OLFM3: variants seen among roughly 807,000 people sequenced by gnomAD.
OLFM3 encodes olfactomedin 3.
OLFM3 carries 20 observed loss-of-function variants against 48.6 expected under a neutral mutation model. That is an observed-to-expected ratio of 0.41 (90% CI 0.29 to 0.60). OLFM3 has a LOEUF of 0.60. Ranked by LOEUF, OLFM3 falls within the 20% of genes least tolerant of loss-of-function variation. The pLI is 0.28. For missense variants in OLFM3, 437 were observed against 544.3 expected (o/e 0.80, Z 1.96); for synonymous variants, 222 against 198.1 (o/e 1.12, Z -1.01).
intron 4 of OLFM3, among the ~76,000 whole-genome samples, chr1:101,819,497 A>T (rs1220936598): frequency 2.6e-5 from 4 of 152,106 alleles, no homozygotes; most frequent in African/African-American, 9.7e-5. Context: ...TTGAAAAATC[A>T]TGAATGACAC....
At chr1:101,870,710 G>A (rs770392892) in intron 1 of OLFM3, among the ~76,000 whole-genome samples, 7 of 152,002 alleles carry the variant, frequency 4.6e-5, no homozygotes, top group African/African-American at 1.4e-4. Flanking sequence ...GATAATGGGG[G>A]TCTTTTTTTT....
chr1:101,990,695 GT>G (rs1661373657), intron 1 of OLFM3, among the ~76,000 whole-genome samples: 1 of 151,884 alleles, frequency 6.6e-6, no homozygotes, highest in South Asian at 2.1e-4. Flanking sequence ...TAAAAATATA[GT>G]TCATGGTGGC....
chr1:101,983,493 C>T (rs1661155545), intron 1 of OLFM3, among the ~76,000 whole-genome samples: 1 of 152,140 alleles, frequency 6.6e-6, no homozygotes, highest in South Asian at 2.1e-4. Flanking sequence ...AAATGTTAAG[C>T]ACTTTAGAAG....
chr1:101,866,183 G>A (rs1656848824), intron 1 of OLFM3, among the ~76,000 whole-genome samples: 1 of 152,086 alleles, frequency 6.6e-6, no homozygotes, highest in African/African-American at 2.4e-5. Context: ...ACTATGTTTA[G>A]TAATATAAAT....
chr1:101,861,442 T>C (rs1387251384), intron 1 of OLFM3, among the ~76,000 whole-genome samples: 1 of 152,204 alleles, frequency 6.6e-6, no homozygotes, highest in Non-Finnish European at 1.5e-5. Flanking sequence ...ACATTACCAG[T>C]GTTTGTAGTA....
intron 1 of OLFM3, among the ~76,000 whole-genome samples, chr1:101,990,377 C>T (rs72731679): frequency 5.9e-5 from 9 of 152,094 alleles, no homozygotes; most frequent in African/African-American, 1.2e-4. Context: ...ATATATGGTC[C>T]GCAATAGACT....
chr1:101,992,548 C>A (rs562745604), intron 1 of OLFM3, among the ~76,000 whole-genome samples: 4 of 151,684 alleles, frequency 2.6e-5, no homozygotes, highest in African/African-American at 7.3e-5. Flanking sequence ...ATGTCTCTAG[C>A]GCACGAGAGA....
intron 1 of OLFM3, among the ~76,000 whole-genome samples, chr1:101,849,360 C>T (rs1448040235): frequency 6.6e-6 from 1 of 152,218 alleles, no homozygotes; most frequent in East Asian, 1.9e-4. Flanking sequence ...TTAGGGCAAG[C>T]AACCCAGTAG....
intron 1 of OLFM3, among the ~76,000 whole-genome samples, chr1:101,988,319 A>G (rs924733982): frequency 1.2e-4 from 19 of 152,086 alleles, no homozygotes; most frequent in African/African-American, 4.6e-4. Context: ...CTTTGCCACC[A>G]AGCATCATGA....
rs966791966 is a variant in OLFM3 at position 101,963,552 on chromosome 1, A to G, written c.69+33196T>C. Among the ~76,000 whole-genome samples, 4 of 142,478 alleles carry G rather than the reference A, an allele frequency of 2.8e-5. No individual in the cohort carries two copies. In the Admixed American group the frequency reaches 2.8e-4, roughly 10 times the overall value. 93.5% of individuals were successfully genotyped at this position (142,478 alleles called of 152,430 possible). A position where few individuals can be genotyped will look rare whatever the true frequency, so the allele number is the denominator to read the frequency against. ...ACTTACAGCCTGGCTTGACTCTTTT[A>G]GGAGAAATGTCTCCATCATTTTTGT... On this transcript the variant is annotated intron_variant, in intron 1 of 5. Coordinates refer to ENST00000370103, the MANE Select transcript of OLFM3 (RefSeq NM_058170.4).
intron 1 of OLFM3, among the ~76,000 whole-genome samples, chr1:101,845,687 T>C (rs2100940459): frequency 6.6e-6 from 1 of 152,244 alleles, no homozygotes; most frequent in East Asian, 1.9e-4. Context: ...TTCATGCAGG[T>C]AGGGAAGAGG....
At chr1:101,816,250 G>A (rs1384707429) in intron 4 of OLFM3, among the ~76,000 whole-genome samples, 1 of 152,134 alleles carries the variant, frequency 6.6e-6, no homozygotes, top group Non-Finnish European at 1.5e-5. Flanking sequence ...ATTCTTTCAA[G>A]GGAAAAGAAG....
intron 1 of OLFM3, chr1:101,893,598 G>T (rs1251717373): frequency 4.1e-6 from 1 of 243,790 alleles, no homozygotes. Flanking sequence ...ACAAAGAAAA[G>T]ACCTTTTCAT....
At chr1:101,914,146 A>G (rs1658850252) in intron 1 of OLFM3, among the ~76,000 whole-genome samples, 1 of 152,160 alleles carries the variant, frequency 6.6e-6, no homozygotes, top group Non-Finnish European at 1.5e-5. Flanking sequence ...TAAAATGTTT[A>G]TTATATGTTG....
intron 1 of OLFM3, among the ~76,000 whole-genome samples, chr1:101,881,989 A>T (rs1174127402): frequency 6.6e-6 from 1 of 151,530 alleles, no homozygotes; most frequent in African/African-American, 2.4e-5. Context: ...TCTGTTTTGT[A>T]CTTTTCATAC....
At chr1:101,848,476 T>C (rs1270256977) in intron 1 of OLFM3, among the ~76,000 whole-genome samples, 1 of 151,738 alleles carries the variant, frequency 6.6e-6, no homozygotes, top group Non-Finnish European at 1.5e-5. Context: ...TCCTCAAATC[T>C]TCCTTGCAAC....
Position 101,898,453 on chromosome 1 carries a change from G to A in OLFM3, c.70-61428C>T, listed in dbSNP as rs529017942. On this transcript the variant is annotated intron_variant, in intron 1 of 5. Transcript: ENST00000370103. ...GGGTGGTTAAACATAACTGTAAATG[G>A]TGTTCAGACCTGACTTCTCCATGTT... is the stretch of plus-strand genomic sequence containing the variant. Among the ~76,000 whole-genome samples, 3 of 152,278 alleles carry A rather than the reference G, an allele frequency of 2.0e-5. No homozygotes were observed. In the East Asian group the frequency reaches 5.8e-4, roughly 29 times the overall value.
At chr1:101,920,280 G>A (rs1221791280) in intron 1 of OLFM3, among the ~76,000 whole-genome samples, 1 of 152,112 alleles carries the variant, frequency 6.6e-6, no homozygotes, top group East Asian at 1.9e-4. Context: ...TCCAAAGTCA[G>A]GATAGTGGCC....
intron 1 of OLFM3, among the ~76,000 whole-genome samples, chr1:101,987,275 G>A (rs189536936): frequency 3.9e-4 from 60 of 152,182 alleles, no homozygotes; most frequent in African/African-American, 1.2e-3. Context: ...CGTAAGCTTC[G>A]CATTACTCTT....
Sources: gnomAD v4.1 joint callset for allele counts (sites outside exome capture counted in the v4.1 genomes callset) on GRCh38, gnomAD v4.1.1 for gene constraint, MANE v1.5 for transcripts, NCBI Gene and HGNC (gene_info 2026-07-23, HGNC 2026-07-21) for gene names.